The following TMEM117 variants were observed in gnomAD, a reference collection of about 807,000 sequenced individuals.
The protein encoded by TMEM117 is transmembrane protein 117.
TMEM117 carries 27 observed loss-of-function variants against 52.4 expected under a neutral mutation model. The observed-to-expected ratio is 0.51, with a 90% CI of 0.38 to 0.71. TMEM117 has a LOEUF of 0.71. TMEM117 is among the 30% of genes least tolerant of loss of function. TMEM117 has a pLI of 0.00. For synonymous variants in TMEM117, 215 were observed against 206.3 expected (o/e 1.04, Z -0.36); for missense variants, 556 against 630.5 (o/e 0.88, Z 1.26).
intron 6 of TMEM117, among the ~76,000 whole-genome samples, chr12:44,307,090 A>G (rs974016279): frequency 6.6e-6 from 1 of 152,212 alleles, no homozygotes; most frequent in Non-Finnish European, 1.5e-5. Flanking sequence ...AAAAATAGAC[A>G]TTGTGACTCT....
intron 6 of TMEM117, among the ~76,000 whole-genome samples, chr12:44,361,375 A>G (rs910253021): frequency 6.6e-6 from 1 of 152,140 alleles, no homozygotes; most frequent in South Asian, 2.1e-4. Context: ...GTATTCCCCA[A>G]TGGGTCCATA....
At chr12:44,302,120 C>G (rs1950848092) in intron 6 of TMEM117, among the ~76,000 whole-genome samples, 1 of 152,210 alleles carries the variant, frequency 6.6e-6, no homozygotes, top group Non-Finnish European at 1.5e-5. Flanking sequence ...TGACTCCCCT[C>G]TATACTATTT....
chr12:44,178,507 C>G (rs1398273149), intron 4 of TMEM117, among the ~76,000 whole-genome samples: 2 of 152,120 alleles, frequency 1.3e-5, no homozygotes, highest in African/African-American at 4.8e-5. Flanking sequence ...TCATCCAGTT[C>G]ATTGATTGAT....
At chr12:44,319,012 G>A (rs1453363115) in intron 6 of TMEM117, among the ~76,000 whole-genome samples, 3 of 152,054 alleles carry the variant, frequency 2.0e-5, no homozygotes, top group African/African-American at 4.8e-5. Context: ...AGAAACTGTC[G>A]CTGTAGCAGC....
intron 4 of TMEM117, among the ~76,000 whole-genome samples, chr12:44,159,121 A>AT (rs1001143829): frequency 7.4e-4 from 113 of 152,234 alleles, no homozygotes; most frequent in African/African-American, 2.7e-3. Context: ...GTAGGTAATT[A>AT]TATTGGTTCT....
chr12:43,830,523 T>A, the TMEM117 span, among the ~76,000 whole-genome samples: 1 of 149,334 alleles, frequency 6.7e-6, no homozygotes, highest in Non-Finnish European at 1.5e-5. Flanking sequence ...GGTAGGAGAA[T>A]CGCTTGAACC....
rs80285345 is a variant in TMEM117, at chr12:44,010,318, C to T, written c.410+65976C>T. 6.7e-3 allele frequency: 2,998 copies of T among 445,292 alleles called. 60 individuals are homozygous for T. Among genetic ancestry groups the T allele is most frequent in the African/African-American group, 0.054 (2,703 of 49,626 alleles). The allele number at this position is 445,292 out of a possible 1,614,324, so 27.6% of individuals were successfully genotyped here. On this transcript the variant is annotated intron_variant, in intron 3 of 7. Coordinates refer to ENST00000266534, the MANE Select transcript of TMEM117 (RefSeq NM_032256.3). ...ACTTTCCTCTTTCTCAGCTTGACTA[C>T]CCTCTGTTGCCATGTCTCCCTGCTG...
chr12:43,800,690 G>A, the TMEM117 span, among the ~76,000 whole-genome samples: 1,162 of 152,202 alleles, frequency 7.6e-3, 12 homozygotes, highest in African/African-American at 0.025. Context: ...ACAAATAACC[G>A]TCATTAACAT....
intron 4 of TMEM117, among the ~76,000 whole-genome samples, chr12:44,144,668 C>T (rs1948616700): frequency 6.6e-6 from 1 of 152,212 alleles, no homozygotes; most frequent in Admixed American, 6.5e-5. Flanking sequence ...TATCAAGTAA[C>T]TACCAAAGGG....
chr12:44,001,380 G>A (rs1946114613), intron 3 of TMEM117, among the ~76,000 whole-genome samples: 1 of 152,106 alleles, frequency 6.6e-6, no homozygotes, highest in Non-Finnish European at 1.5e-5. Context: ...CTCCAAGTGG[G>A]GTTGCTGGAA....
chr12:43,862,689 A>C (rs1367135576), intron 2 of TMEM117, among the ~76,000 whole-genome samples: 1 of 152,230 alleles, frequency 6.6e-6, no homozygotes, highest in Admixed American at 6.5e-5. Flanking sequence ...AGTGCAGAGG[A>C]TACTCTAACT....
intron 4 of TMEM117, among the ~76,000 whole-genome samples, chr12:44,186,113 A>G (rs1186779554): frequency 1.3e-5 from 2 of 152,212 alleles, no homozygotes; most frequent in African/African-American, 4.8e-5. Context: ...TCAGCAAATG[A>G]TTTGGCTAGA....
intron 3 of TMEM117, among the ~76,000 whole-genome samples, chr12:43,980,245 T>C (rs1336944924): frequency 1.3e-5 from 2 of 152,188 alleles, no homozygotes; most frequent in Non-Finnish European, 2.9e-5. Context: ...TCTTCCTCCC[T>C]TTCCCATTTA....
At chr12:43,900,146 C>T (rs980782474) in intron 2 of TMEM117, among the ~76,000 whole-genome samples, 8 of 152,110 alleles carry the variant, frequency 5.3e-5, no homozygotes, top group Admixed American at 3.9e-4. Flanking sequence ...GGGATTAGAC[C>T]GCTGGAGTTT....
Position 43,844,722 on chromosome 12 carries a change from T to C in TMEM117, c.71T>C (p.Phe24Ser), listed in dbSNP as rs1276163175. ...ATGATTGTGGCTTACTTGGTGATCT[T>C]CTTTAACTTCTTAATATTTGCGGAG... The part of the protein sequence containing the change: ...SRMIVAYLVI[F>S]FNFLIFAEDP... Residue 24 changes from phenylalanine (F) to serine (S), a missense_variant, in exon 2 of 8, where the codon TTC becomes TCC. Coordinates refer to ENST00000266534, the MANE Select transcript of TMEM117 (RefSeq NM_032256.3). The C allele has an allele frequency of 1.9e-6, 3 of 1,614,084 alleles. No individual in the cohort carries two copies. Among genetic ancestry groups the C allele is most frequent in the Non-Finnish European group, 2.5e-6 (3 of 1,180,042 alleles).
intron 3 of TMEM117, among the ~76,000 whole-genome samples, chr12:43,971,389 C>A (rs988573089): frequency 6.6e-6 from 1 of 152,190 alleles, no homozygotes; most frequent in East Asian, 1.9e-4. Context: ...TAAGTAACGG[C>A]CCCAGCTTAT....
In TMEM117 at chr12:44,083,548, A is replaced by G. The variant is rs1299941582; in HGVS notation, c.411-59977A>G. ...CTCTTGAGTAGCTGGGAGTACAGGC[A>G]TGCACCACCACGCCGGGCTAATTTT... is the stretch of plus-strand genomic sequence containing the variant. On this transcript the variant is annotated intron_variant, in intron 3 of 7. Transcript: ENST00000266534. 2.0e-5 allele frequency: 3 copies of G among 151,562 alleles called. No individual in the cohort carries two copies. The East Asian group carries it at 5.8e-4, about 29-fold the overall frequency. The allele number at this position is 151,562 out of a possible 1,614,324, so 9.4% of individuals were successfully genotyped here.
At chr12:44,004,284 C>A (rs1383022410) in intron 3 of TMEM117, among the ~76,000 whole-genome samples, 2 of 152,236 alleles carry the variant, frequency 1.3e-5, no homozygotes, top group East Asian at 3.9e-4. Context: ...TGACTTGTTT[C>A]TGGGGACTTT....
At chr12:43,989,734 C>T (rs569955127) in intron 3 of TMEM117, among the ~76,000 whole-genome samples, 5 of 152,076 alleles carry the variant, frequency 3.3e-5, no homozygotes, top group African/African-American at 1.2e-4. Context: ...AAATCTGTTC[C>T]TCTGTTCCTC....
Sources: gnomAD v4.1 joint callset for allele counts (sites outside exome capture counted in the v4.1 genomes callset) on GRCh38, gnomAD v4.1.1 for gene constraint, MANE v1.5 for transcripts, NCBI Gene and HGNC (gene_info 2026-07-23, HGNC 2026-07-21) for gene names.